Variants in CD27 observed in about 807,000 individuals in gnomAD.
CD27 encodes the protein CD27 antigen.
In CD27, 16 loss-of-function variants were observed where a neutral mutation model predicts 25.9. That is an observed-to-expected ratio of 0.62 (90% CI 0.42 to 0.94). The LOEUF is 0.94. Ranked by LOEUF, CD27 falls within the 40% of genes least tolerant of loss-of-function variation. CD27 has a pLI of 0.00. For missense variants in CD27, 300 were observed against 333.2 expected (o/e 0.90, Z 0.78); for synonymous variants, 142 against 124.3 (o/e 1.14, Z -0.95).
At position 6,451,326 on chromosome 12, in the gene CD27, G is replaced by A. The variant is rs1298770603; in HGVS notation, c.717G>A (p.Glu239=). The A allele has an allele frequency of 2.5e-6, 4 of 1,613,612 alleles. No homozygotes were observed. The highest frequency in any genetic ancestry group is 2.2e-5 in the East Asian group (1 of 44,896). ...CTTGTCATTACAGCTGCCCCAGGGA[G>A]GAGGAGGGCAGCACCATCCCCATCC... is the stretch of plus-strand genomic sequence containing the variant. The part of the protein sequence containing the change: ...AEPCHYSCPR[E]EEGSTIPIQE... The change falls in exon 6 of 6, where the codon GAG becomes GAA. Residue 239 remains glutamate (E), a synonymous_variant. Coordinates refer to ENST00000266557, the MANE Select transcript of CD27 (RefSeq NM_001242.5).
chr12:6,445,233 T>TA lies in CD27; in HGVS notation c.136+4dup. On this transcript the variant is annotated splice_region_variant and intron_variant, in intron 1 of 5. Coordinates refer to ENST00000266557, the MANE Select transcript of CD27 (RefSeq NM_001242.5). This position sits in a 1 kb window ranked among gnomAD's most constrained non-coding sequence, Gnocchi z 4.5. Reference sequence around the variant, plus strand: ...TGTGCTGCCAGATGTGTGAGCCAGGTAAGAGGGGGCCTTGGTAAGGGCCAG... The same window carrying TA: ...TGTGCTGCCAGATGTGTGAGCCAGGTAAAGAGGGGGCCTTGGTAAGGGCCAG... The TA allele has an allele frequency of 6.2e-7, 1 of 1,613,812 alleles. No individual in the cohort carries two copies.
In CD27 at chr12:6,449,942, C is replaced by T. The variant is rs182803668; in HGVS notation, c.269-231C>T. The stretch of plus-strand genomic sequence containing the variant: ...ACTTTTCATGGTTTCTATGTCTGAA[C>T]CCATGAATCTTCCTTCTGAAAGGTC... On this transcript the variant is annotated intron_variant, in intron 2 of 5. Coordinates refer to ENST00000266557, the MANE Select transcript of CD27 (RefSeq NM_001242.5). Among the ~76,000 whole-genome samples, 6 of 152,268 alleles carry T rather than the reference C, an allele frequency of 3.9e-5. No homozygotes were observed. In the East Asian group the frequency reaches 1.2e-3, roughly 29 times the overall value.
At position 6,445,587 on chromosome 12, in the gene CD27, G is replaced by A. The variant is rs11569364; in HGVS notation, c.268+32G>A. 1.9e-3 allele frequency: 3,044 copies of A among 1,608,232 alleles called. 52 individuals are homozygous for A. The African/African-American group carries it at 0.034, about 18-fold the overall frequency. On this transcript the variant is annotated intron_variant, in intron 2 of 5. Transcript: ENST00000266557. This position sits in a 1 kb window ranked among gnomAD's most constrained non-coding sequence, Gnocchi z 4.5. ...TGGGCAAGGGTGTGTAGGTGGGGAC[G>A]ATGGACAAGCATCTGGGGGAGCAAG...
chr12:6,450,403 C>T lies in CD27; in HGVS notation c.448+51C>T. ...CATCACGTGGGGTAGCGGTGATACC[C>T]CAACCAGTACTCCCCACTCCTACCC... On this transcript the variant is annotated intron_variant, in intron 3 of 5. Transcript: ENST00000266557. This position sits in a 1 kb window ranked among gnomAD's most constrained non-coding sequence, Gnocchi z 4.1. 1 of 1,560,260 alleles carries T rather than the reference C, an allele frequency of 6.4e-7. No individual in the cohort carries two copies. The highest frequency in any genetic ancestry group is 8.8e-7 in the Non-Finnish European group (1 of 1,141,582).
intron 5 of CD27, 114 bp from the exon 6 acceptor site, chr12:6,451,154 A>C: frequency 6.6e-7 from 1 of 1,525,056 alleles, no homozygotes; most frequent in Non-Finnish European, 9.0e-7. Flanking sequence ...CTCTCCCCTT[A>C]GCTGGCGTGC....
At chr12:6,444,419 C>T (rs1001471174), upstream of CD27, among the ~76,000 whole-genome samples, 2 of 151,998 alleles carry the variant, frequency 1.3e-5, no homozygotes, top group East Asian at 1.9e-4. Context: ...AGAAATGTTG[C>T]GTTTGATTAT....
rs1425602275 is a variant in CD27, at chr12:6,445,118, G to A, written c.23G>A (p.Trp8Ter). 4.4e-6 allele frequency: 7 copies of A among 1,606,596 alleles called. No homozygotes were observed. The highest frequency in any genetic ancestry group is 5.9e-6 in the Non-Finnish European group (7 of 1,177,226). MARPHPW[W>*]LCVLGTLVGL... ...ACCATGGCACGGCCACATCCCTGGTGGCTGTGCGTTCTGGGGACCCTGGTG... is the reference window on the plus strand; with the variant it reads ...ACCATGGCACGGCCACATCCCTGGTAGCTGTGCGTTCTGGGGACCCTGGTG... Residue 8 changes from tryptophan (W) to a stop codon, truncating the protein, a stop_gained, in exon 1 of 6, where the codon TGG (tryptophan) becomes TAG (stop). Coordinates refer to ENST00000266557, the MANE Select transcript of CD27 (RefSeq NM_001242.5). LOFTEE classifies it high-confidence loss of function. The surrounding 1 kb of genome is among the most constrained non-coding windows in gnomAD (Gnocchi z 4.5).
Position 6,450,425 on chromosome 12 carries a change from A to G in CD27, c.448+73A>G, listed in dbSNP as rs539863789. The stretch of plus-strand genomic sequence containing the variant: ...ACCCCAACCAGTACTCCCCACTCCT[A>G]CCCCTAGATAAGGTCAGCCTGTTTC... On this transcript the variant is annotated intron_variant, in intron 3 of 5. Transcript: ENST00000266557. The surrounding 1 kb of genome is among the most constrained non-coding windows in gnomAD (Gnocchi z 4.1). The G allele has an allele frequency of 3.4e-4, 525 of 1,534,426 alleles. 1 individual carries two copies. The highest frequency in any genetic ancestry group is 2.9e-4 in the Admixed American group (17 of 58,696).
Position 6,450,862 on chromosome 12 carries a change from C to T in CD27, c.539-33C>T. On this transcript the variant is annotated intron_variant, in intron 4 of 5. Coordinates refer to ENST00000266557, the MANE Select transcript of CD27 (RefSeq NM_001242.5). This position sits in a 1 kb window ranked among gnomAD's most constrained non-coding sequence, Gnocchi z 4.1. ...CTGAGGGAGCCAAGGGCTAGACCCT[C>T]CCCTAACCCCTGTGTGTCCCCTCCT... The T allele has an allele frequency of 1.9e-6, 3 of 1,613,750 alleles. No individual in the cohort carries two copies.
upstream of CD27, among the ~76,000 whole-genome samples, chr12:6,444,317 C>A (rs867536701): frequency 6.6e-6 from 1 of 152,176 alleles, no homozygotes. Context: ...CATTCTGTAG[C>A]AAACTCGTTT....
chr12:6,450,098 G>T lies in CD27; in HGVS notation c.269-75G>T. 1 of 1,384,470 alleles carries T rather than the reference G, an allele frequency of 7.2e-7. No individual in the cohort carries two copies. Among genetic ancestry groups the T allele is most frequent in the South Asian group, 1.3e-5 (1 of 77,604 alleles). 85.8% of individuals were successfully genotyped at this position (1,384,470 alleles called of 1,614,324 possible). ...GAGGTGGGCCTGGGATGGGGGTTGG[G>T]GGATGAAGCAAGTGGACCTTGAAGG... On this transcript the variant is annotated intron_variant, in intron 2 of 5. Transcript: ENST00000266557. The surrounding 1 kb of genome is among the most constrained non-coding windows in gnomAD (Gnocchi z 4.1).
chr12:6,449,169 G>GT (rs1282616039), intron 2 of CD27, among the ~76,000 whole-genome samples: 1 of 151,670 alleles, frequency 6.6e-6, no homozygotes, highest in Non-Finnish European at 1.5e-5. Context: ...GCTAATTTTT[G>GT]TATTTTTTGT....
intron 2 of CD27, among the ~76,000 whole-genome samples, chr12:6,446,810 A>G (rs1949422780): frequency 6.6e-6 from 1 of 151,366 alleles, no homozygotes; most frequent in Non-Finnish European, 1.5e-5. Context: ...AAAAAGCCAG[A>G]GCAGTGGCTC....
In CD27 at chr12:6,450,923, T is replaced by C. The variant is rs2136970193; in HGVS notation, c.567T>C (p.Phe189=). Reference sequence around the variant, plus strand: ...AAAGATCCCTGTGCAGCTCCGATTTTATTCGCATCCTTGTGATCTTCTCTG... The same window carrying C: ...AAAGATCCCTGTGCAGCTCCGATTTCATTCGCATCCTTGTGATCTTCTCTG... ...PPQRSLCSSD[F]IRILVIFSGM... is the part of the protein sequence containing the mutation. The change falls in exon 5 of 6, where the codon TTT becomes TTC. Residue 189 remains phenylalanine, a synonymous_variant. Transcript: ENST00000266557. This position sits in a 1 kb window ranked among gnomAD's most constrained non-coding sequence, Gnocchi z 4.1. The C allele has an allele frequency of 6.2e-7, 1 of 1,614,184 alleles. No homozygotes were observed. Among genetic ancestry groups the C allele is most frequent in the East Asian group, 2.2e-5 (1 of 44,882 alleles).
chr12:6,451,288 G>C lies in CD27; in HGVS notation c.679G>C (p.Glu227Gln). The change falls in exon 6 of 6, where the codon GAG becomes CAG. Residue 227 changes from glutamate (E) to glutamine (Q), a missense_variant. Physicochemically the swap from Glu to Gln is conservative, Grantham distance 29. Transcript: ENST00000266557. ...YRSNKGESPVEPAEPCHYSCP... is the reference protein window; with the variant it reads ...YRSNKGESPVQPAEPCHYSCP... ...TGCAGACAAAGGAGAAAGTCCTGTG[G>C]AGCCTGCAGAGCCTTGTCATTACAG... 6.2e-7 allele frequency: 1 copy of C among 1,614,010 alleles called. No individual in the cohort carries two copies. The highest frequency in any genetic ancestry group is 1.1e-5 in the South Asian group (1 of 91,080).
chr12:6,445,596 G>A lies in CD27; in HGVS notation c.268+41G>A, dbSNP rs778408730. 12 of 1,603,462 alleles carry A rather than the reference G, an allele frequency of 7.5e-6. No homozygotes were observed. The South Asian group carries it at 1.1e-4, about 15-fold the overall frequency. On this transcript the variant is annotated intron_variant, in intron 2 of 5. Transcript: ENST00000266557. The surrounding 1 kb of genome is among the most constrained non-coding windows in gnomAD (Gnocchi z 4.5). ...GTGTGTAGGTGGGGACGATGGACAAGCATCTGGGGGAGCAAGGCTGGTGAC... is the reference window on the plus strand; with the variant it reads ...GTGTGTAGGTGGGGACGATGGACAAACATCTGGGGGAGCAAGGCTGGTGAC...
chr12:6,446,359 T>C (rs569382418), intron 2 of CD27, among the ~76,000 whole-genome samples: 40 of 152,294 alleles, frequency 2.6e-4, no homozygotes, highest in African/African-American at 8.9e-4. Flanking sequence ...TGGAGTGCAG[T>C]GGTGCAATCA....
At position 6,444,980 on chromosome 12, in the gene CD27, A is replaced by C; in HGVS notation, c.-116A>C. 1 of 1,210,358 alleles carries C rather than the reference A, an allele frequency of 8.3e-7. No homozygotes were observed. Among genetic ancestry groups the C allele is most frequent in the Non-Finnish European group, 1.1e-6 (1 of 900,008 alleles). 75.0% of individuals were successfully genotyped at this position (1,210,358 alleles called of 1,614,324 possible). A position where few individuals can be genotyped will look rare whatever the true frequency, so the allele number is the denominator to read the frequency against. The stretch of plus-strand genomic sequence containing the variant: ...CTTCAAAGGTTGGCTTGCCACCTGA[A>C]GCAGCCACTGCCCAGGGGGTGCAAA... On this transcript the variant is annotated 5_prime_UTR_variant, in exon 1 of 6. Transcript: ENST00000266557.
At position 6,451,147 on chromosome 12, in the gene CD27, T is replaced by C. The variant is rs187919029; in HGVS notation, c.659-121T>C. 1.3e-4 allele frequency: 200 copies of C among 1,521,878 alleles called. No homozygotes were observed. The African/African-American group carries it at 2.1e-3, about 16-fold the overall frequency. The allele number at this position is 1,521,878 out of a possible 1,614,324, so 94.3% of individuals were successfully genotyped here. ...ACCAGCCTTGGTCCTACCCCTTCTC[T>C]CCCCTTAGCTGGCGTGCTCCTGACA... On this transcript the variant is annotated intron_variant, in intron 5 of 5. Coordinates refer to ENST00000266557, the MANE Select transcript of CD27 (RefSeq NM_001242.5).
Sources: allele counts gnomAD v4.1 joint callset (sites outside exome capture counted in the v4.1 genomes callset), GRCh38; gene constraint gnomAD v4.1.1; non-coding constraint Gnocchi (gnomAD v3.1); transcripts MANE v1.5; gene names NCBI Gene and HGNC (gene_info 2026-07-23, HGNC 2026-07-21).